Variants in SEC23IP observed in about 807,000 individuals in gnomAD.
SEC23IP encodes SEC23 interacting protein.
A neutral mutation model predicts 113.4 loss-of-function variants in SEC23IP; 70 were observed. That is an observed-to-expected ratio of 0.62 (90% CI 0.51 to 0.75). The LOEUF (loss-of-function observed/expected upper bound fraction) is 0.75. Ranked by LOEUF, SEC23IP falls within the 30% of genes least tolerant of loss-of-function variation. The pLI is 0.00. For missense variants in SEC23IP, 1,160 were observed against 1,204.9 expected (o/e 0.96, Z 0.55); for synonymous variants, 398 against 421.0 (o/e 0.95, Z 0.67).
chr10:119,897,076 G>A (rs567671744), intron 1 of SEC23IP, among the ~76,000 whole-genome samples: 61 of 152,334 alleles, frequency 4.0e-4, no homozygotes, highest in Admixed American at 7.8e-4. Flanking sequence ...CTTGGAGCCC[G>A]GAGCTTGGAA....
At position 119,910,831 on chromosome 10, in the gene SEC23IP, G is replaced by A. The variant is rs767416514; in HGVS notation, c.1192-1213G>A. Among the ~76,000 whole-genome samples, 207 of 151,790 alleles carry A rather than the reference G, an allele frequency of 1.4e-3. 4 individuals carry two copies. Among genetic ancestry groups the A allele is most frequent in the Non-Finnish European group, 2.9e-4 (20 of 67,932 alleles). ...CGAGTAGCTAGGACTACAGGTGTGC[G>A]CCACCTTGCCTGGCCAGTTTTAAGA... On this transcript the variant is annotated intron_variant, in intron 5 of 18. Coordinates refer to ENST00000369075, the MANE Select transcript of SEC23IP (RefSeq NM_007190.4).
chr10:119,928,682 A>G (rs1170447894), intron 13 of SEC23IP, among the ~76,000 whole-genome samples: 2 of 152,364 alleles, frequency 1.3e-5, no homozygotes, highest in South Asian at 2.1e-4. Flanking sequence ...AGATACTAAA[A>G]TAAAAAGACA....
chr10:119,898,407 G>C lies in SEC23IP; in HGVS notation c.164-20G>C. ...TGATAGAGTACCCTTTAAACCACATGCTCTCCTGTTCCATTTCAGAGGATT... is the reference window on the plus strand; with the variant it reads ...TGATAGAGTACCCTTTAAACCACATCCTCTCCTGTTCCATTTCAGAGGATT... On this transcript the variant is annotated intron_variant, in intron 1 of 18. Coordinates refer to ENST00000369075, the MANE Select transcript of SEC23IP (RefSeq NM_007190.4). 1.3e-6 allele frequency: 2 copies of C among 1,594,172 alleles called. No individual in the cohort carries two copies. Among genetic ancestry groups the C allele is most frequent in the Non-Finnish European group, 1.7e-6 (2 of 1,169,270 alleles).
At chr10:119,919,811 G>T (rs1343718767) in intron 11 of SEC23IP, among the ~76,000 whole-genome samples, 1 of 152,114 alleles carries the variant, frequency 6.6e-6, no homozygotes, top group East Asian at 1.9e-4. Flanking sequence ...GAAAAAAATT[G>T]TATAACAGTA....
chr10:119,898,887 C>G lies in SEC23IP; in HGVS notation c.624C>G (p.Gly208=), dbSNP rs1554911468. The G allele has an allele frequency of 6.2e-7, 1 of 1,606,448 alleles. No individual in the cohort carries two copies. The highest frequency in any genetic ancestry group is 2.2e-5 in the East Asian group (1 of 44,882). Residue 208 remains glycine, a synonymous_variant, in exon 2 of 19, where the codon GGC becomes GGG. Transcript: ENST00000369075. ...PPQLQQCQTP[G]PPAHPPPSGP... is the part of the protein sequence containing the mutation. ...AGCTGCAGCAGTGCCAAACACCAGG[C>G]CCTCCTGCTCATCCTCCACCTTCTG... is the stretch of plus-strand genomic sequence containing the variant.
chr10:119,900,027 C>T (rs1292484565), intron 2 of SEC23IP, among the ~76,000 whole-genome samples: 5 of 151,864 alleles, frequency 3.3e-5, no homozygotes, highest in Non-Finnish European at 5.9e-5. Context: ...CCTGCCCCTC[C>T]CTCTTCCCTC....
Position 119,926,078 on chromosome 10 carries a change from A to T in SEC23IP, c.2164A>T (p.Thr722Ser). ...AAAGAAGGCAGTGGCGGCCACTTCT[A>T]CAAAAGGACAAGAGCAAAGTGCCCA... ...SEKKAVAATSTKGQEQSAQKT... is the reference protein window; with the variant it reads ...SEKKAVAATSSKGQEQSAQKT... The change falls in exon 13 of 19, where the codon ACA (threonine) becomes TCA (serine). Residue 722 changes from threonine to serine, a missense_variant. Thr to Ser is a moderately conservative substitution (Grantham distance 58, BLOSUM62 1). Transcript: ENST00000369075. 6.2e-7 allele frequency: 1 copy of T among 1,614,024 alleles called. No homozygotes were observed. Among genetic ancestry groups the T allele is most frequent in the Non-Finnish European group, 8.5e-7 (1 of 1,179,962 alleles).
At chr10:119,922,972 C>T (rs1393748890) in intron 12 of SEC23IP, among the ~76,000 whole-genome samples, 6 of 149,914 alleles carry the variant, frequency 4.0e-5, no homozygotes, top group Non-Finnish European at 8.9e-5. Flanking sequence ...ATGCTTGTCT[C>T]CGTGTATACA....
Position 119,912,093 on chromosome 10 carries a change from C to T in SEC23IP, c.1241C>T (p.Thr414Met), listed in dbSNP as rs142665854. Reference protein sequence around the residue: ...PSSVPDEWGTTQDGQTRPRVV... With the variant: ...PSSVPDEWGTMQDGQTRPRVV... ...TCAGTGCCAGATGAATGGGGCACCACGCAAGATGGACAGACAAGGCCCAGG... is the reference window on the plus strand; with the variant it reads ...TCAGTGCCAGATGAATGGGGCACCATGCAAGATGGACAGACAAGGCCCAGG... The change falls in exon 6 of 19, where the codon ACG (threonine) becomes ATG (methionine). Residue 414 changes from threonine to methionine, a missense_variant. Coordinates refer to ENST00000369075, the MANE Select transcript of SEC23IP (RefSeq NM_007190.4). 480 of 1,614,022 alleles carry T rather than the reference C, an allele frequency of 3.0e-4. 1 individual carries two copies. In the African/African-American group the frequency reaches 5.4e-3, roughly 18 times the overall value.
chr10:119,914,699 T>G, intron 6 of SEC23IP, 31 bp from the exon 7 acceptor site: 1 of 1,563,190 alleles, frequency 6.4e-7, no homozygotes, highest in Non-Finnish European at 8.8e-7. Flanking sequence ...ATTCCCATCT[T>G]TTATGTAGGT....
chr10:119,905,875 A>G (rs551320295), intron 4 of SEC23IP, among the ~76,000 whole-genome samples: 2 of 152,358 alleles, frequency 1.3e-5, no homozygotes, highest in East Asian at 3.9e-4. Context: ...TGTATTTATA[A>G]CAGAGAGACT....
chr10:119,913,363 G>A (rs1564913234), intron 6 of SEC23IP, among the ~76,000 whole-genome samples: 2 of 152,174 alleles, frequency 1.3e-5, no homozygotes, highest in African/African-American at 2.4e-5. Context: ...GACTTTTTCT[G>A]TAAAGGGCCA....
intron 5 of SEC23IP, among the ~76,000 whole-genome samples, chr10:119,909,963 T>C (rs1249338370): frequency 6.6e-6 from 1 of 152,226 alleles, no homozygotes; most frequent in Non-Finnish European, 1.5e-5. Context: ...GTATGCAATG[T>C]AGAAGTTGCT....
At chr10:119,915,281 CAAAT>C (rs771138452) in intron 7 of SEC23IP, among the ~76,000 whole-genome samples, 2 of 152,036 alleles carry the variant, frequency 1.3e-5, no homozygotes, top group South Asian at 2.1e-4. Flanking sequence ...TTGACCCTCA[CAAAT>C]AAACCTTTGG....
chr10:119,934,907 C>T (rs377405275), intron 18 of SEC23IP, among the ~76,000 whole-genome samples: 5 of 152,178 alleles, frequency 3.3e-5, no homozygotes, highest in Non-Finnish European at 5.9e-5. Flanking sequence ...GAGGCCAAGG[C>T]GGGCAGATCA....
In SEC23IP at chr10:119,898,949, C is replaced by A; in HGVS notation, c.686C>A (p.Ser229Tyr). ...PVQMYQMPPG[S>Y]LPPVPSSVQS... ...CAGATGTACCAGATGCCTCCAGGAT[C>A]TTTGCCACCGGTATGGAGACATGAT... is the stretch of plus-strand genomic sequence containing the variant. The change falls in exon 2 of 19, where the codon TCT becomes TAT. Residue 229 changes from serine (S) to tyrosine (Y), a missense_variant. By Grantham distance (144) the Ser-to-Tyr change is moderately radical. Coordinates refer to ENST00000369075, the MANE Select transcript of SEC23IP (RefSeq NM_007190.4). 1 of 1,584,454 alleles carries A rather than the reference C, an allele frequency of 6.3e-7. No homozygotes were observed. Among genetic ancestry groups the A allele is most frequent in the East Asian group, 2.2e-5 (1 of 44,696 alleles).
intron 13 of SEC23IP, among the ~76,000 whole-genome samples, chr10:119,929,324 C>T (rs1357378357): frequency 6.6e-6 from 1 of 152,092 alleles, no homozygotes; most frequent in Non-Finnish European, 1.5e-5. Flanking sequence ...ACCTCCACCT[C>T]CCGGGTTCAA....
In SEC23IP at chr10:119,932,470, C is replaced by T. The variant is rs907717597; in HGVS notation, c.2758+152C>T. The T allele has an allele frequency of 2.7e-5, 16 of 583,036 alleles. No homozygotes were observed. The Admixed American group carries it at 4.2e-4, about 15-fold the overall frequency. The allele number at this position is 583,036 out of a possible 1,614,324, so 36.1% of individuals were successfully genotyped here. Reference sequence around the variant, plus strand: ...AATCTGTTAAGATAAACTGTACTGTCAATAGCATTACTTCAAAATCCATGC... The same window carrying T: ...AATCTGTTAAGATAAACTGTACTGTTAATAGCATTACTTCAAAATCCATGC... On this transcript the variant is annotated intron_variant, in intron 16 of 18. Transcript: ENST00000369075.
At chr10:119,904,526 C>T (rs1854601541) in intron 4 of SEC23IP, 1 of 412,672 alleles carries the variant, frequency 2.4e-6, no homozygotes, top group South Asian at 3.4e-5. Flanking sequence ...TGTGTCAAGC[C>T]TTCAATAGAA....
Sources: gnomAD v4.1 joint callset for allele counts (sites outside exome capture counted in the v4.1 genomes callset) on GRCh38, gnomAD v4.1.1 for gene constraint, MANE v1.5 for transcripts, NCBI Gene and HGNC (gene_info 2026-07-23, HGNC 2026-07-21) for gene names.